BIRC6: variants seen among roughly 807,000 people sequenced by gnomAD.
BIRC6 encodes the protein dual E2 ubiquitin-conjugating enzyme/E3 ubiquitin-protein ligase BIRC6.
A neutral mutation model predicts 503.3 loss-of-function variants in BIRC6; 98 were observed. The observed-to-expected ratio is 0.19, with a 90% CI of 0.17 to 0.23. BIRC6 has a LOEUF of 0.23. Ranked by LOEUF, BIRC6 falls within the 10% of genes least tolerant of loss-of-function variation. The pLI is 1.00. For synonymous variants in BIRC6, 2,240 were observed against 2,078.7 expected (o/e 1.08, Z -2.11); for missense variants, 5,360 against 5,806.0 (o/e 0.92, Z 2.50).
At chr2:32,438,650 C>A (rs1175614164) in intron 15 of BIRC6, among the ~76,000 whole-genome samples, 1 of 150,764 alleles carries the variant, frequency 6.6e-6, no homozygotes, top group Admixed American at 6.6e-5. Context: ...AGCTCCGCCT[C>A]CTGGGTTCAC....
At chr2:32,379,674 TTATATTAGCA>T (rs1255485455) in intron 2 of BIRC6, 1 of 152,376 alleles carries the variant, frequency 6.6e-6, no homozygotes, top group African/African-American at 2.4e-5. Context: ...ATTCTTTTCC[TTATATTAGCA>T]TATATCTTTA....
chr2:32,579,670 CAG>C (rs1371747483), intron 66 of BIRC6, among the ~76,000 whole-genome samples: 1 of 152,002 alleles, frequency 6.6e-6, no homozygotes, highest in East Asian at 1.9e-4. Flanking sequence ...TCCTGGGCGA[CAG>C]AGTGAGACCC....
intron 49 of BIRC6, among the ~76,000 whole-genome samples, chr2:32,504,177 G>C (rs1390169962): frequency 6.6e-6 from 1 of 151,820 alleles, no homozygotes; most frequent in Non-Finnish European, 1.5e-5. Context: ...AGGATTACAG[G>C]CATGAGCCAC....
intron 70 of BIRC6, among the ~76,000 whole-genome samples, chr2:32,601,054 T>C (rs1002469421): frequency 1.3e-5 from 2 of 152,232 alleles, no homozygotes; most frequent in Non-Finnish European, 2.9e-5. Context: ...ACGATTTTGT[T>C]TTGGGCTGCA....
At chr2:32,402,475 C>A (rs2040711767) in intron 8 of BIRC6, among the ~76,000 whole-genome samples, 1 of 152,210 alleles carries the variant, frequency 6.6e-6, no homozygotes, top group South Asian at 2.1e-4. Flanking sequence ...CATTTTACTT[C>A]ACAACCCCTT....
intron 9 of BIRC6, among the ~76,000 whole-genome samples, chr2:32,410,321 C>G (rs1317050792): frequency 1.3e-5 from 2 of 152,052 alleles, no homozygotes. Flanking sequence ...AAACAAAAAA[C>G]AAAACCACCT....
At chr2:32,521,435 G>T (rs1456219875) in intron 57 of BIRC6, among the ~76,000 whole-genome samples, 1 of 135,482 alleles carries the variant, frequency 7.4e-6, no homozygotes, top group Non-Finnish European at 1.6e-5. Context: ...CAAAAAGGAA[G>T]TGACCTATTA....
chr2:32,567,285 C>G (rs535633351), intron 65 of BIRC6, among the ~76,000 whole-genome samples: 2 of 152,276 alleles, frequency 1.3e-5, no homozygotes, highest in African/African-American at 4.8e-5. Context: ...ACTTCTTATG[C>G]TTTTTTAAAA....
At chr2:32,359,572 A>G (rs2033718634) in intron 1 of BIRC6, among the ~76,000 whole-genome samples, 1 of 152,206 alleles carries the variant, frequency 6.6e-6, no homozygotes, top group South Asian at 2.1e-4. Flanking sequence ...GATTGGATAC[A>G]ATTGCAGGTC....
chr2:32,521,291 A>T (rs1295590346), intron 57 of BIRC6, among the ~76,000 whole-genome samples: 1 of 133,202 alleles, frequency 7.5e-6, no homozygotes, highest in Non-Finnish European at 1.6e-5. Context: ...TTTTTGTTTG[A>T]GATGGAGTCT....
Position 32,443,080 on chromosome 2 carries a change from T to C in BIRC6, c.4239-411T>C, listed in dbSNP as rs567659791. Reference sequence around the variant, plus strand: ...GAACAGTTATAATAATATACTATGATAAAAGTTACATGAATGTGGTCTCTC... The same window carrying C: ...GAACAGTTATAATAATATACTATGACAAAAGTTACATGAATGTGGTCTCTC... On this transcript the variant is annotated intron_variant, in intron 19 of 73. Coordinates refer to ENST00000421745, the MANE Select transcript of BIRC6 (RefSeq NM_016252.4). 1.8e-4 allele frequency among the ~76,000 whole-genome samples: 28 copies of C among 152,356 alleles called. No individual in the cohort carries two copies. In the South Asian group the frequency reaches 5.8e-3, roughly 32 times the overall value.
chr2:32,396,571 A>C (rs2039914460), intron 6 of BIRC6, among the ~76,000 whole-genome samples: 1 of 152,198 alleles, frequency 6.6e-6, no homozygotes, highest in Non-Finnish European at 1.5e-5. Context: ...TTTGCAGGGC[A>C]TGCATTCCAG....
intron 66 of BIRC6, among the ~76,000 whole-genome samples, chr2:32,586,412 C>T (rs575441186): frequency 2.1e-5 from 3 of 144,016 alleles, no homozygotes; most frequent in East Asian, 2.0e-4. Flanking sequence ...CAGACAAAAT[C>T]TCAAGCAGTC....
chr2:32,463,155 T>C, intron 23 of BIRC6, 39 bp from the exon 24 acceptor site: 5 of 1,515,140 alleles, frequency 3.3e-6, no homozygotes, highest in Non-Finnish European at 4.5e-6. Flanking sequence ...TTCATCCTGG[T>C]GTTTTTTGTT....
intron 70 of BIRC6, among the ~76,000 whole-genome samples, chr2:32,601,300 C>T (rs1374196138): frequency 2.0e-5 from 3 of 152,168 alleles, no homozygotes; most frequent in Non-Finnish European, 4.4e-5. Context: ...GAACCACCTA[C>T]GCCGGGCGTG....
chr2:32,554,606 A>G (rs984267979), intron 65 of BIRC6, among the ~76,000 whole-genome samples: 2 of 152,186 alleles, frequency 1.3e-5, no homozygotes, highest in African/African-American at 4.8e-5. Flanking sequence ...AAATGATGTT[A>G]TATACTAGGA....
Position 32,525,496 on chromosome 2 carries a change from G to A in BIRC6, c.11788G>A (p.Ala3930Thr), listed in dbSNP as rs1385193038. 1 of 1,613,816 alleles carries A rather than the reference G, an allele frequency of 6.2e-7. No homozygotes were observed. ...GTCTCAATCTAAACGTGCTGTGTCAGCTACACCACCTCGCCCACCATCCAG... is the reference window on the plus strand; with the variant it reads ...GTCTCAATCTAAACGTGCTGTGTCAACTACACCACCTCGCCCACCATCCAG... ...LKSQSKRAVS[A>T]TPPRPPSRRG... is the part of the protein sequence containing the mutation. Residue 3930 changes from alanine to threonine, a missense_variant, in exon 59 of 74, where the codon GCT becomes ACT. Ala to Thr is a moderately conservative substitution (Grantham distance 58, BLOSUM62 0). This residue lies in a region of BIRC6 where 878 missense variants were observed against 928.9 expected (regional missense o/e 0.95). Coordinates refer to ENST00000421745, the MANE Select transcript of BIRC6 (RefSeq NM_016252.4).
intron 26 of BIRC6, among the ~76,000 whole-genome samples, chr2:32,465,472 C>T (rs1487241588): frequency 6.6e-6 from 1 of 151,958 alleles, no homozygotes; most frequent in African/African-American, 2.4e-5. Context: ...AAATTACACT[C>T]AAAATATTCC....
chr2:32,570,854 A>G (rs1005407992), intron 65 of BIRC6, among the ~76,000 whole-genome samples: 4 of 152,004 alleles, frequency 2.6e-5, no homozygotes, highest in South Asian at 2.1e-4. Flanking sequence ...CTAGGGTGCA[A>G]TGGTGTCATC....
Sources: gnomAD v4.1 joint callset for allele counts (sites outside exome capture counted in the v4.1 genomes callset) on GRCh38, gnomAD v4.1.1 for gene constraint, gnomAD v4.1.1 regional missense constraint, MANE v1.5 for transcripts, NCBI Gene and HGNC (gene_info 2026-07-23, HGNC 2026-07-21) for gene names.